Variants in SLC17A6 observed in about 807,000 individuals in gnomAD.
SLC17A6 encodes solute carrier family 17 member 6.
SLC17A6 carries 35 observed loss-of-function variants against 67.1 expected under a neutral mutation model. The ratio of observed to expected loss-of-function variants is 0.52; its 90% CI spans 0.40 to 0.69. The LOEUF (loss-of-function observed/expected upper bound fraction) is 0.69. Among genes scored for constraint, SLC17A6 ranks in the 30% least tolerant of loss-of-function variants. SLC17A6 has a pLI of 0.00. For missense variants in SLC17A6, 588 were observed against 723.9 expected (o/e 0.81, Z 2.15); for synonymous variants, 285 against 252.3 (o/e 1.13, Z -1.23).
At chr11:22,347,524 T>A (rs1855892425) in intron 3 of SLC17A6, among the ~76,000 whole-genome samples, 2 of 152,056 alleles carry the variant, frequency 1.3e-5, no homozygotes, top group Non-Finnish European at 2.9e-5. Context: ...AAGGAAGGAA[T>A]AAAACCTCTG....
At chr11:22,367,939 CT>C (rs1458622066) in intron 7 of SLC17A6, among the ~76,000 whole-genome samples, 6 of 152,024 alleles carry the variant, frequency 3.9e-5, no homozygotes, top group Admixed American at 2.6e-4. Context: ...TTAATTTGAA[CT>C]TTTTTTATTG....
intron 4 of SLC17A6, among the ~76,000 whole-genome samples, chr11:22,360,323 T>C (rs1292733954): frequency 6.6e-6 from 1 of 151,976 alleles, no homozygotes; most frequent in Non-Finnish European, 1.5e-5. Flanking sequence ...CTGCAGCCTA[T>C]TGGGGAAGGG....
In SLC17A6 at chr11:22,375,717, T is replaced by C. The variant is rs112287079; in HGVS notation, c.1175-265T>C. On this transcript the variant is annotated intron_variant, in intron 9 of 11. Coordinates refer to ENST00000263160, the MANE Select transcript of SLC17A6 (RefSeq NM_020346.3). ...CTGGCCTCGAACTCCTGACCTAGGG[T>C]GATCTGCCCGCCTCGGCCTCTCAAA... Among the ~76,000 whole-genome samples, 840 of 152,184 alleles carry C rather than the reference T, an allele frequency of 5.5e-3. 13 individuals carry two copies. Among genetic ancestry groups the C allele is most frequent in the African/African-American group, 0.019 (791 of 41,542 alleles).
chr11:22,360,187 G>A (rs1856034698), intron 4 of SLC17A6, among the ~76,000 whole-genome samples: 1 of 151,638 alleles, frequency 6.6e-6, no homozygotes, highest in Non-Finnish European at 1.5e-5. Flanking sequence ...AGACACAGAT[G>A]GAGCTGGAAG....
rs759198200 is a variant in SLC17A6 at position 22,341,655 on chromosome 11, A to G, written c.214A>G (p.Ile72Val). 3.1e-6 allele frequency: 5 copies of G among 1,614,202 alleles called. No homozygotes were observed. The highest frequency in any genetic ancestry group is 3.4e-6 in the Non-Finnish European group (4 of 1,180,040). Residue 72 changes from isoleucine to valine, a missense_variant, in exon 2 of 12, where the codon ATT becomes GTT. Physicochemically the swap from Ile to Val is conservative, Grantham distance 29 (BLOSUM62 3). Coordinates refer to ENST00000263160, the MANE Select transcript of SLC17A6 (RefSeq NM_020346.3). ...CTCFGLPRRY[I>V]IAIMSGLGFC... ...GTGCTTCGGCCTGCCCCGCCGCTAC[A>G]TTATCGCCATCATGAGCGGCCTGGG...
intron 8 of SLC17A6, among the ~76,000 whole-genome samples, chr11:22,374,205 G>A (rs997520855): frequency 2.0e-5 from 3 of 152,060 alleles, no homozygotes; most frequent in Non-Finnish European, 4.4e-5. Flanking sequence ...ATACAAAAAT[G>A]TGATCAAGTA....
At chr11:22,342,016 C>T (rs1855821545) in intron 2 of SLC17A6, among the ~76,000 whole-genome samples, 1 of 152,214 alleles carries the variant, frequency 6.6e-6, no homozygotes, top group South Asian at 2.1e-4. Flanking sequence ...GGGTCTAGCT[C>T]ACCAGGTTTT....
intron 8 of SLC17A6, among the ~76,000 whole-genome samples, chr11:22,374,364 T>C (rs1241826834): frequency 6.6e-6 from 1 of 152,206 alleles, no homozygotes; most frequent in Non-Finnish European, 1.5e-5. Context: ...GAATTAAACA[T>C]GAATTTAAAA....
chr11:22,351,334 A>G (rs1453321633), intron 3 of SLC17A6, among the ~76,000 whole-genome samples: 1 of 152,040 alleles, frequency 6.6e-6, no homozygotes, highest in African/African-American at 2.4e-5. Flanking sequence ...GGTACCCATC[A>G]CCTAAATAGA....
Position 22,377,136 on chromosome 11 carries a change from GA to G in SLC17A6, c.1414-262del, listed in dbSNP as rs907000459. Among the ~76,000 whole-genome samples, 19 of 151,752 alleles carry G rather than the reference GA, an allele frequency of 1.3e-4. 1 individual carries two copies. Among genetic ancestry groups the G allele is most frequent in the Admixed American group, 5.2e-4 (8 of 15,258 alleles). ...GAATAAAAAGATAAGTAAATCAATG[GA>G]AAAAAAGAGATTATGAATATTTTAA... On this transcript the variant is annotated intron_variant, in intron 11 of 11. Coordinates refer to ENST00000263160, the MANE Select transcript of SLC17A6 (RefSeq NM_020346.3).
chr11:22,370,285 A>G (rs1856161200), intron 8 of SLC17A6, 97 bp downstream of exon 8: 3 of 995,922 alleles, frequency 3.0e-6, no homozygotes, highest in Non-Finnish European at 4.4e-6. Context: ...TAATTTTCAG[A>G]GATTATTCAT....
In SLC17A6 at chr11:22,348,612, T is replaced by C. The variant is rs145721471; in HGVS notation, c.458+5247T>C. Among the ~76,000 whole-genome samples, 942 of 152,314 alleles carry C rather than the reference T, an allele frequency of 6.2e-3. 10 individuals are homozygous for C. Among genetic ancestry groups the C allele is most frequent in the African/African-American group, 0.021 (883 of 41,572 alleles). On this transcript the variant is annotated intron_variant, in intron 3 of 11. Coordinates refer to ENST00000263160, the MANE Select transcript of SLC17A6 (RefSeq NM_020346.3). ...AAAATTGCAGAGATTTGAACATGACTGGGTGTAGATTAGACTTTTGTCTGC... is the reference window on the plus strand; with the variant it reads ...AAAATTGCAGAGATTTGAACATGACCGGGTGTAGATTAGACTTTTGTCTGC...
At chr11:22,341,931 C>A (rs1024716772) in intron 2 of SLC17A6, 151 bp downstream of exon 2, 6 of 1,176,996 alleles carry the variant, frequency 5.1e-6, no homozygotes, top group Non-Finnish European at 7.0e-6. Flanking sequence ...CTAGAATGGA[C>A]CCCAGTAGTG....
Position 22,338,514 on chromosome 11 carries a change from T to A in SLC17A6, c.-20T>A. On this transcript the variant is annotated 5_prime_UTR_variant, in exon 1 of 12. Transcript: ENST00000263160. ...ATCACTATTTAAATCTGGCAAGAAC[T>A]GACAACAGTCTTTGCAAGAATGGAA... 1 of 1,572,090 alleles carries A rather than the reference T, an allele frequency of 6.4e-7. No individual in the cohort carries two copies. The highest frequency in any genetic ancestry group is 8.8e-7 in the Non-Finnish European group (1 of 1,142,402).
Position 22,341,522 on chromosome 11 carries a change from G to C in SLC17A6, c.87-6G>C. On this transcript the variant is annotated splice_polypyrimidine_tract_variant and splice_region_variant and intron_variant, in intron 1 of 11. Transcript: ENST00000263160. ...GTCCTTGACTCGCCCCTGCTCTGCC[G>C]CGCAGGGTGCTGGAGAAGAAGCAAG... 4 of 1,612,418 alleles carry C rather than the reference G, an allele frequency of 2.5e-6. No individual in the cohort carries two copies. The highest frequency in any genetic ancestry group is 3.4e-6 in the Non-Finnish European group (4 of 1,179,484).
chr11:22,360,526 TCCC>T (rs59936385), intron 4 of SLC17A6, among the ~76,000 whole-genome samples: 8 of 115,548 alleles, frequency 6.9e-5, no homozygotes, highest in African/African-American at 2.4e-4. Context: ...CCGCTCTCCT[TCCC>T]CCCCCCCCAA....
At chr11:22,373,460 A>G (rs961083618) in intron 8 of SLC17A6, among the ~76,000 whole-genome samples, 2 of 151,494 alleles carry the variant, frequency 1.3e-5, no homozygotes, top group African/African-American at 4.8e-5. Flanking sequence ...AAAAGCAATA[A>G]TGATTTTTTT....
At chr11:22,376,304 T>A (rs916637417) in intron 10 of SLC17A6, among the ~76,000 whole-genome samples, 1 of 152,210 alleles carries the variant, frequency 6.6e-6, no homozygotes, top group Non-Finnish European at 1.5e-5. Context: ...ACTGCCTTTT[T>A]TTGTTGTTGT....
chr11:22,341,890 G>A (rs576997870), intron 2 of SLC17A6, 110 bp downstream of exon 2: 3 of 1,433,204 alleles, frequency 2.1e-6, no homozygotes, highest in Admixed American at 2.2e-5. Flanking sequence ...AGGTTTGGGT[G>A]CTCCCTAAGC....
Sources: gnomAD v4.1 joint callset for allele counts (sites outside exome capture counted in the v4.1 genomes callset) on GRCh38, gnomAD v4.1.1 for gene constraint, MANE v1.5 for transcripts, NCBI Gene and HGNC (gene_info 2026-07-23, HGNC 2026-07-21) for gene names.